The following ZFR2 variants were observed in gnomAD, a reference collection of about 807,000 sequenced individuals.
ZFR2 encodes the protein zinc finger RNA binding protein 2.
ZFR2 carries 104 observed loss-of-function variants against 105.7 expected under a neutral mutation model. The ratio of observed to expected loss-of-function variants is 0.98; its 90% CI spans 0.84 to 1.16. The LOEUF is 1.16. Ranked by LOEUF, ZFR2 falls within the 50% of genes most tolerant of loss-of-function variation. The pLI, the probability that ZFR2 is intolerant of heterozygous loss-of-function variation, is 0.00. For missense variants in ZFR2, 1,425 were observed against 1,355.5 expected (o/e 1.05, Z -0.80); for synonymous variants, 634 against 597.7 (o/e 1.06, Z -0.89).
At chr19:3,816,486 T>C (rs1249254438) in intron 13 of ZFR2, among the ~76,000 whole-genome samples, 188 bp downstream of exon 13, 1 of 152,142 alleles carries the variant, frequency 6.6e-6, no homozygotes, top group Non-Finnish European at 1.5e-5. Flanking sequence ...CCTCAAGCGA[T>C]CCACCTGCCT....
At chr19:3,851,872 C>T (rs150672408) in intron 1 of ZFR2, 42 of 159,434 alleles carry the variant, frequency 2.6e-4, no homozygotes, top group South Asian at 7.2e-4. Context: ...ACATTGTCCA[C>T]GGCTCATCTT....
intron 11 of ZFR2, among the ~76,000 whole-genome samples, chr19:3,819,980 G>A (rs973632440): frequency 4.6e-5 from 7 of 152,216 alleles, no homozygotes; most frequent in Non-Finnish European, 7.3e-5. Context: ...GCTCCAGGAA[G>A]CAGAAGGGAT....
At chr19:3,809,042 C>G in intron 16 of ZFR2, 59 bp from the exon 17 acceptor site, 1 of 1,379,350 alleles carries the variant, frequency 7.2e-7, no homozygotes, top group Non-Finnish European at 9.6e-7. Flanking sequence ...CCTGCCTGCC[C>G]GGGAGGTCCT....
intron 1 of ZFR2, among the ~76,000 whole-genome samples, chr19:3,842,264 T>C (rs558519693): frequency 6.6e-6 from 1 of 152,238 alleles, no homozygotes; most frequent in East Asian, 1.9e-4. Flanking sequence ...TCTGCCCGCC[T>C]CGGCTTCCCA....
intron 12 of ZFR2, among the ~76,000 whole-genome samples, chr19:3,818,173 A>G (rs2037846279): frequency 6.6e-6 from 1 of 152,264 alleles, no homozygotes; most frequent in South Asian, 2.1e-4. Context: ...GGATTTTACC[A>G]CAATAGAGAA....
intron 1 of ZFR2, among the ~76,000 whole-genome samples, chr19:3,855,897 C>A (rs930690903): frequency 1.3e-5 from 2 of 152,110 alleles, no homozygotes; most frequent in Non-Finnish European, 2.9e-5. Context: ...GCAGAGGACA[C>A]CATGATGGAT....
Position 3,834,718 on chromosome 19 carries a change from C to A in ZFR2, c.264+55G>T. The A allele has an allele frequency of 6.4e-7, 1 of 1,564,042 alleles. No individual in the cohort carries two copies. Among genetic ancestry groups the A allele is most frequent in the South Asian group, 1.1e-5 (1 of 87,390 alleles). On this transcript the variant is annotated intron_variant, in intron 2 of 18. Coordinates refer to ENST00000262961, the MANE Select transcript of ZFR2 (RefSeq NM_015174.2). This position sits in a 1 kb window ranked among gnomAD's most constrained non-coding sequence, Gnocchi z 5.3. ...CTGTGGGAAGCCCACCGCTCTCACCCATGCAAGGCGACCCACGTTTCCCGG... is the reference window on the plus strand; with the variant it reads ...CTGTGGGAAGCCCACCGCTCTCACCAATGCAAGGCGACCCACGTTTCCCGG...
chr19:3,819,020 C>A lies in ZFR2; in HGVS notation c.1931+25G>T, dbSNP rs751618514. The A allele has an allele frequency of 1.7e-5, 28 of 1,607,112 alleles. No individual in the cohort carries two copies. In the East Asian group the frequency reaches 6.0e-4, roughly 35 times the overall value. On this transcript the variant is annotated intron_variant, in intron 12 of 18. Coordinates refer to ENST00000262961, the MANE Select transcript of ZFR2 (RefSeq NM_015174.2). ...CCTCTGTCCTGGCTGAGAGCCGGGC[C>A]CTGGGGAAGGGGATCTCCAATGACC...
Position 3,822,092 on chromosome 19 carries a change from G to A in ZFR2, c.1480C>T (p.Leu494=). The change falls in exon 9 of 19, where the codon CTG becomes TTG. Residue 494 remains leucine (L), a synonymous_variant. Coordinates refer to ENST00000262961, the MANE Select transcript of ZFR2 (RefSeq NM_015174.2). Reference sequence around the variant, plus strand: ...CCTGCTGGACGCACCCGGTACTGCAGCCGGTGCCGCCGCCCCCTCACGTGC... The same window carrying A: ...CCTGCTGGACGCACCCGGTACTGCAACCGGTGCCGCCGCCCCCTCACGTGC... ...DLHVRGRRHR[L]QYRKKVNPDL... is the part of the protein sequence containing the mutation. 1 of 1,604,656 alleles carries A rather than the reference G, an allele frequency of 6.2e-7. No homozygotes were observed. The highest frequency in any genetic ancestry group is 8.5e-7 in the Non-Finnish European group (1 of 1,176,412).
In ZFR2 at chr19:3,834,623, C is replaced by A; in HGVS notation, c.264+150G>T. 1 of 850,982 alleles carries A rather than the reference C, an allele frequency of 1.2e-6. No homozygotes were observed. The highest frequency in any genetic ancestry group is 1.6e-5 in the South Asian group (1 of 63,050). 52.7% of individuals were successfully genotyped at this position (850,982 alleles called of 1,614,324 possible). A position where few individuals can be genotyped will look rare whatever the true frequency, so the allele number is the denominator to read the frequency against. On this transcript the variant is annotated intron_variant, in intron 2 of 18. Transcript: ENST00000262961. This position sits in a 1 kb window ranked among gnomAD's most constrained non-coding sequence, Gnocchi z 5.3. ...ACTCTGCCCTGATTTCTCCCCACCA[C>A]GGGTACGCAATGCCAGCAGAAGGGT...
At chr19:3,836,738 A>T (rs1176559471) in intron 1 of ZFR2, among the ~76,000 whole-genome samples, 2 of 152,268 alleles carry the variant, frequency 1.3e-5, no homozygotes, top group Admixed American at 1.3e-4. Context: ...TAGACGAGAA[A>T]ACCTCCAAGG....
chr19:3,806,894 C>T lies in ZFR2; in HGVS notation c.2643+278G>A, dbSNP rs538310726. ...ACGGCTGGGCTTCTAGGACCATGGT[C>T]AGTGGTGTGGGGGAGGACGGTCCCT... On this transcript the variant is annotated intron_variant, in intron 18 of 18. Coordinates refer to ENST00000262961, the MANE Select transcript of ZFR2 (RefSeq NM_015174.2). Among the ~76,000 whole-genome samples, 223 of 152,336 alleles carry T rather than the reference C, an allele frequency of 1.5e-3. 1 individual carries two copies. Among genetic ancestry groups the T allele is most frequent in the Non-Finnish European group, 2.4e-3 (160 of 68,034 alleles).
intron 1 of ZFR2, among the ~76,000 whole-genome samples, chr19:3,866,583 T>C (rs2038431134): frequency 6.6e-6 from 1 of 152,188 alleles, no homozygotes; most frequent in Admixed American, 6.5e-5. Context: ...TTGAACAACA[T>C]AAACATTCAA....
intron 17 of ZFR2, among the ~76,000 whole-genome samples, chr19:3,807,604 C>T (rs1410436683): frequency 3.3e-5 from 5 of 151,504 alleles, no homozygotes; most frequent in African/African-American, 9.7e-5. Flanking sequence ...CGTGTGTGCA[C>T]GTGTGTGCTC....
At chr19:3,843,841 C>A (rs7260581) in intron 1 of ZFR2, among the ~76,000 whole-genome samples, 117,561 of 148,816 alleles carry the variant, frequency 0.79, 46,904 homozygotes, top group African/African-American at 0.9. Flanking sequence ...TCTCAAAAAA[C>A]AAAAAAGAAA....
At chr19:3,837,433 A>C (rs527365566) in intron 1 of ZFR2, among the ~76,000 whole-genome samples, 1 of 148,414 alleles carries the variant, frequency 6.7e-6, no homozygotes, top group South Asian at 2.1e-4. Context: ...GATGAACACC[A>C]TGACTGTGGA....
At chr19:3,816,077 T>C (rs2037822150) in intron 13 of ZFR2, among the ~76,000 whole-genome samples, 1 of 150,962 alleles carries the variant, frequency 6.6e-6, no homozygotes, top group African/African-American at 2.4e-5. Context: ...ATTTTTAAGT[T>C]TTTTGCAGAT....
In ZFR2 at chr19:3,823,929, C is replaced by A. The variant is rs1054844334; in HGVS notation, c.1214-526G>T. Among the ~76,000 whole-genome samples, 1 of 152,208 alleles carries A rather than the reference C, an allele frequency of 6.6e-6. No individual in the cohort carries two copies. Among genetic ancestry groups the A allele is most frequent in the Non-Finnish European group, 1.5e-5 (1 of 68,038 alleles). On this transcript the variant is annotated intron_variant, in intron 7 of 18. Coordinates refer to ENST00000262961, the MANE Select transcript of ZFR2 (RefSeq NM_015174.2). This position sits in a 1 kb window ranked among gnomAD's most constrained non-coding sequence, Gnocchi z 5.4. ...TCCAGGGCAGAGACTCTTAGACAGA[C>A]CCGGGTTCCAATTCCACCTCCACCG...
Position 3,823,527 on chromosome 19 carries a change from T to C in ZFR2, c.1214-124A>G. 1 of 989,094 alleles carries C rather than the reference T, an allele frequency of 1.0e-6. No homozygotes were observed. Among genetic ancestry groups the C allele is most frequent in the Non-Finnish European group, 1.5e-6 (1 of 689,040 alleles). The allele number at this position is 989,094 out of a possible 1,614,324, so 61.3% of individuals were successfully genotyped here. ...CAGGCTGTGCCATCCCCCTCCCTCC[T>C]GTGATGTCAGGGGGAATGGCCCCGG... is the stretch of plus-strand genomic sequence containing the variant. On this transcript the variant is annotated intron_variant, in intron 7 of 18. Transcript: ENST00000262961. The surrounding 1 kb of genome is among the most constrained non-coding windows in gnomAD (Gnocchi z 5.4).
Sources: allele counts gnomAD v4.1 joint callset (sites outside exome capture counted in the v4.1 genomes callset), GRCh38; gene constraint gnomAD v4.1.1; non-coding constraint Gnocchi (gnomAD v3.1); transcripts MANE v1.5; gene names NCBI Gene and HGNC (gene_info 2026-07-23, HGNC 2026-07-21).